GRID2: variants seen among roughly 807,000 people sequenced by gnomAD.
The protein encoded by GRID2 is glutamate ionotropic receptor delta type subunit 2, also known as glutamate receptor ionotropic, delta-2.
A neutral mutation model predicts 114.8 loss-of-function variants in GRID2; 33 were observed. The observed-to-expected ratio is 0.29, with a 90% CI of 0.22 to 0.38. The LOEUF (loss-of-function observed/expected upper bound fraction) is 0.38, where lower values mean the gene tolerates loss of function less well. GRID2 is among the 10% of genes least tolerant of loss of function. The pLI, the probability that GRID2 is intolerant of heterozygous loss-of-function variation, is 1.00. For missense variants in GRID2, 1,184 were observed against 1,257.7 expected, an observed-to-expected ratio of 0.94 and a Z score of 0.89; for synonymous variants, 505 against 449.9, an observed-to-expected ratio of 1.12 and a Z score of -1.55.
chr4:93,244,395 C>A (rs921966948), intron 8 of GRID2, among the ~76,000 whole-genome samples: 1 of 151,274 alleles, frequency 6.6e-6, no homozygotes, highest in Non-Finnish European at 1.5e-5. Flanking sequence ...AATCTTTATT[C>A]GGGCTCTCCA....
intron 10 of GRID2, among the ~76,000 whole-genome samples, chr4:93,451,667 A>ATTG (rs1722699505): frequency 6.6e-6 from 1 of 152,110 alleles, no homozygotes; most frequent in Admixed American, 6.6e-5. Context: ...GAAGAGGAAG[A>ATTG]AAGGTAGATT....
At chr4:93,403,257 T>C (rs1766078330) in intron 9 of GRID2, among the ~76,000 whole-genome samples, 1 of 152,102 alleles carries the variant, frequency 6.6e-6, no homozygotes. Flanking sequence ...TAAAATATGA[T>C]AAGTGCCATG....
intron 2 of GRID2, among the ~76,000 whole-genome samples, chr4:92,873,403 C>CT (rs148083891): frequency 8.0e-5 from 12 of 150,842 alleles, no homozygotes; most frequent in South Asian, 2.1e-4. Flanking sequence ...CTAACTTCAA[C>CT]TTTTTTTTTA....
intron 2 of GRID2, among the ~76,000 whole-genome samples, chr4:93,027,335 A>G (rs1454102184): frequency 1.3e-5 from 2 of 152,092 alleles, no homozygotes; most frequent in Admixed American, 6.6e-5. Context: ...TAACTTCAAC[A>G]TTCTCAAAGG....
chr4:92,896,679 T>C (rs960513801), intron 2 of GRID2, among the ~76,000 whole-genome samples: 8 of 152,188 alleles, frequency 5.3e-5, no homozygotes, highest in Non-Finnish European at 1.0e-4. Context: ...AAAACAGAAG[T>C]TTAAAAGCAG....
chr4:92,661,115 C>T (rs1455766317), intron 2 of GRID2, among the ~76,000 whole-genome samples: 6 of 150,556 alleles, frequency 4.0e-5, no homozygotes, highest in South Asian at 2.1e-4. Context: ...AGGCGTTATT[C>T]GCATTGCTAA....
At chr4:92,985,929 T>G (rs758682680) in intron 2 of GRID2, among the ~76,000 whole-genome samples, 6 of 152,198 alleles carry the variant, frequency 3.9e-5, no homozygotes, top group Non-Finnish European at 8.8e-5. Flanking sequence ...TATAATACAT[T>G]TTCATTAAAG....
chr4:93,582,360 C>A (rs913837527), intron 13 of GRID2, among the ~76,000 whole-genome samples: 1 of 152,126 alleles, frequency 6.6e-6, no homozygotes, highest in Non-Finnish European at 1.5e-5. Flanking sequence ...CAGATAATCT[C>A]CCCATCTGAA....
chr4:93,591,678 T>C, intron 13 of GRID2, among the ~76,000 whole-genome samples: 1 of 152,040 alleles, frequency 6.6e-6, no homozygotes, highest in Non-Finnish European at 1.5e-5. Flanking sequence ...TGTGAATCCA[T>C]CTGGTCCTGG....
In GRID2 at chr4:93,439,630, A is replaced by T. The variant is rs567974918; in HGVS notation, c.1546-16032A>T. ...GGAATGTTGGATTAATAGGAAGATC[A>T]TGCACAGAATGATTATTTAAGGTCC... On this transcript the variant is annotated intron_variant, in intron 10 of 15. Coordinates refer to ENST00000282020, the MANE Select transcript of GRID2 (RefSeq NM_001510.4). 2.8e-4 allele frequency among the ~76,000 whole-genome samples: 42 copies of T among 152,250 alleles called. 2 individuals are homozygous for T. In the East Asian group the frequency reaches 3.3e-3, roughly 12 times the overall value.
At chr4:93,510,823 T>A in intron 12 of GRID2, among the ~76,000 whole-genome samples, 1 of 152,234 alleles carries the variant, frequency 6.6e-6, no homozygotes, top group Non-Finnish European at 1.5e-5. Flanking sequence ...GATCAAATAC[T>A]GATTTGACAG....
intron 14 of GRID2, among the ~76,000 whole-genome samples, chr4:93,749,551 G>A (rs1360782597): frequency 6.6e-6 from 1 of 152,170 alleles, no homozygotes; most frequent in Non-Finnish European, 1.5e-5. Context: ...AGCTGACAAA[G>A]GACCAGAGAG....
intron 1 of GRID2, among the ~76,000 whole-genome samples, chr4:92,462,261 C>T (rs1335383643): frequency 2.0e-5 from 3 of 152,132 alleles, no homozygotes; most frequent in South Asian, 2.1e-4. Context: ...TAGTTGCCTA[C>T]GCATCACAGT....
chr4:92,952,625 G>C (rs1474517712), intron 2 of GRID2, among the ~76,000 whole-genome samples: 2 of 152,182 alleles, frequency 1.3e-5, no homozygotes, highest in African/African-American at 2.4e-5. Context: ...TGAAATCAGT[G>C]ATAGCATAGT....
intron 13 of GRID2, among the ~76,000 whole-genome samples, chr4:93,589,822 C>A (rs1482297175): frequency 2.0e-5 from 3 of 151,974 alleles, no homozygotes; most frequent in Admixed American, 1.3e-4. Flanking sequence ...AGCATTTTTT[C>A]ATGTGTTTTT....
intron 8 of GRID2, among the ~76,000 whole-genome samples, chr4:93,372,648 C>A (rs1763041158): frequency 6.6e-6 from 1 of 152,012 alleles, no homozygotes; most frequent in South Asian, 2.1e-4. Flanking sequence ...GGCACAGAAA[C>A]CATTTTTCAC....
intron 7 of GRID2, among the ~76,000 whole-genome samples, chr4:93,234,583 A>T (rs1222625994): frequency 6.6e-6 from 1 of 151,864 alleles, no homozygotes; most frequent in African/African-American, 2.4e-5. Flanking sequence ...ACGTAATGTT[A>T]CATGGCAACT....
chr4:93,756,529 CTG>C (rs1013169560), intron 14 of GRID2, among the ~76,000 whole-genome samples: 3 of 152,178 alleles, frequency 2.0e-5, no homozygotes, highest in African/African-American at 7.2e-5. Flanking sequence ...TGCCATCTTG[CTG>C]TGTGCTCACA....
At chr4:92,353,113 C>G (rs1728151534) in intron 1 of GRID2, among the ~76,000 whole-genome samples, 1 of 151,804 alleles carries the variant, frequency 6.6e-6, no homozygotes, top group Non-Finnish European at 1.5e-5. Context: ...TTCACTAACT[C>G]TTTTGCCTAC....
Sources: allele counts gnomAD v4.1 joint callset (sites outside exome capture counted in the v4.1 genomes callset), GRCh38; gene constraint gnomAD v4.1.1; transcripts MANE v1.5; gene names NCBI Gene and HGNC (gene_info 2026-07-23, HGNC 2026-07-21).